Variants in ZMAT4 observed in about 807,000 individuals in gnomAD.
ZMAT4 encodes zinc finger matrin-type 4, also known as zinc finger matrin-type protein 4.
Under a neutral mutation model 28.7 loss-of-function variants are expected in ZMAT4, and 17 were observed. That is an observed-to-expected ratio of 0.59 (90% CI 0.41 to 0.89). ZMAT4 has a LOEUF of 0.89. Ranked by LOEUF, ZMAT4 falls within the 40% of genes least tolerant of loss-of-function variation. The probability of loss-of-function intolerance (pLI) is 0.00; values close to 1 mark genes in which losing one functional copy is unlikely to be tolerated. For synonymous variants in ZMAT4, 117 were observed against 109.2 expected, an observed-to-expected ratio of 1.07 and a Z score of -0.44; for missense variants, 240 against 283.8, an observed-to-expected ratio of 0.85 and a Z score of 1.11.
intron 3 of ZMAT4, among the ~76,000 whole-genome samples, chr8:40,708,035 A>C (rs1160718952): frequency 6.6e-6 from 1 of 152,210 alleles, no homozygotes; most frequent in Non-Finnish European, 1.5e-5. Flanking sequence ...GCAAATAAAA[A>C]ACTCACAGAT....
At chr8:40,695,607 C>G (rs1809848503) in intron 4 of ZMAT4, among the ~76,000 whole-genome samples, 1 of 152,180 alleles carries the variant, frequency 6.6e-6, no homozygotes, top group Admixed American at 6.5e-5. Context: ...CTGTACTTCG[C>G]TTTTTCCTTT....
In ZMAT4 at chr8:40,531,665, G is replaced by A. The variant is rs1366971905; in HGVS notation, c.*558C>T. The A allele has an allele frequency of 1.3e-5, 2 of 152,592 alleles. No individual in the cohort carries two copies. Among genetic ancestry groups the A allele is most frequent in the Admixed American group, 6.6e-5 (1 of 15,256 alleles). 9.5% of individuals were successfully genotyped at this position (152,592 alleles called of 1,614,324 possible). A position where few individuals can be genotyped will look rare whatever the true frequency, so the allele number is the denominator to read the frequency against. Reference sequence around the variant, plus strand: ...TTACTCCCTTCGTCTTCATTGTTCAGATGGTAAACCTGGCTCCTGTGCTTG... The same window carrying A: ...TTACTCCCTTCGTCTTCATTGTTCAAATGGTAAACCTGGCTCCTGTGCTTG... On this transcript the variant is annotated 3_prime_UTR_variant, in exon 7 of 7. Coordinates refer to ENST00000297737, the MANE Select transcript of ZMAT4 (RefSeq NM_024645.3).
rs765713771 is a variant in ZMAT4 at position 40,581,114 on chromosome 8, A to G, written c.674+51T>C. The G allele has an allele frequency of 8.2e-6, 12 of 1,459,872 alleles. No homozygotes were observed. In the South Asian group the frequency reaches 1.2e-4, roughly 14 times the overall value. 90.4% of individuals were successfully genotyped at this position (1,459,872 alleles called of 1,614,324 possible). On this transcript the variant is annotated intron_variant, in intron 6 of 6. Transcript: ENST00000297737. Reference sequence around the variant, plus strand: ...GAAATGTTGAGCCTTTAGTCATCTTACTAAAAATTACATCGAAGAAACTGA... The same window carrying G: ...GAAATGTTGAGCCTTTAGTCATCTTGCTAAAAATTACATCGAAGAAACTGA...
At chr8:40,705,864 A>C (rs1452009354) in intron 3 of ZMAT4, among the ~76,000 whole-genome samples, 2 of 152,164 alleles carry the variant, frequency 1.3e-5, no homozygotes, top group Non-Finnish European at 2.9e-5. Flanking sequence ...CATAAAAATT[A>C]TTAATGAGGT....
intron 5 of ZMAT4, among the ~76,000 whole-genome samples, chr8:40,623,770 C>A (rs1255174741): frequency 6.6e-6 from 1 of 152,120 alleles, no homozygotes; most frequent in East Asian, 1.9e-4. Flanking sequence ...CTACATAAGC[C>A]TAAGATGAAA....
intron 6 of ZMAT4, among the ~76,000 whole-genome samples, chr8:40,544,411 A>T (rs1332471122): frequency 6.6e-6 from 1 of 152,198 alleles, no homozygotes; most frequent in Non-Finnish European, 1.5e-5. Flanking sequence ...CTTCAAAAAG[A>T]TCAAAGGATC....
intron 5 of ZMAT4, among the ~76,000 whole-genome samples, chr8:40,624,223 G>C (rs183878481): frequency 6.6e-6 from 1 of 152,182 alleles, no homozygotes; most frequent in South Asian, 2.1e-4. Flanking sequence ...AGCTTCAATC[G>C]GATAGAAATG....
intron 6 of ZMAT4, 76 bp from the exon 7 acceptor site, chr8:40,532,314 C>T: frequency 2.3e-6 from 3 of 1,327,372 alleles, no homozygotes; most frequent in Non-Finnish European, 1.0e-6. Context: ...CCCCCCCACC[C>T]CCTGTCTCTC....
chr8:40,874,167 C>T (rs1299226768), intron 1 of ZMAT4, among the ~76,000 whole-genome samples: 4 of 152,220 alleles, frequency 2.6e-5, no homozygotes, highest in African/African-American at 9.6e-5. Flanking sequence ...TCTTTCATGG[C>T]TTAAGTTCTG....
intron 5 of ZMAT4, among the ~76,000 whole-genome samples, chr8:40,601,488 AGAAAGAGAGAAAG>A (rs1563360101): frequency 8.5e-6 from 1 of 117,908 alleles, no homozygotes; most frequent in African/African-American, 3.5e-5. Context: ...AAAGAAAGAA[AGAAAGAGAGAAAG>A]AAAGAAAGAG....
intron 6 of ZMAT4, among the ~76,000 whole-genome samples, chr8:40,562,773 A>G (rs544525459): frequency 4.6e-5 from 7 of 152,158 alleles, no homozygotes; most frequent in Non-Finnish European, 8.8e-5. Flanking sequence ...GCATTTAATC[A>G]GTTTGTTCTA....
At chr8:40,813,473 C>G (rs1177928419) in intron 2 of ZMAT4, among the ~76,000 whole-genome samples, 1 of 152,206 alleles carries the variant, frequency 6.6e-6, no homozygotes, top group African/African-American at 2.4e-5. Context: ...TGAGGATAAA[C>G]TAAGAGTGAA....
At chr8:40,563,120 A>G (rs1350440387) in intron 6 of ZMAT4, among the ~76,000 whole-genome samples, 2 of 152,132 alleles carry the variant, frequency 1.3e-5, no homozygotes, top group African/African-American at 2.4e-5. Context: ...CTCAATGCCC[A>G]CCGGCATCTT....
intron 6 of ZMAT4, among the ~76,000 whole-genome samples, chr8:40,571,961 A>G (rs1414621394): frequency 1.3e-5 from 2 of 152,156 alleles, no homozygotes; most frequent in Non-Finnish European, 2.9e-5. Flanking sequence ...AATATCAGTA[A>G]ACTACATTGA....
intron 1 of ZMAT4, among the ~76,000 whole-genome samples, chr8:40,886,132 T>G (rs566224513): frequency 2.6e-4 from 39 of 152,332 alleles, no homozygotes; most frequent in Non-Finnish European, 4.6e-4. Flanking sequence ...AGAAGCACAT[T>G]GTTTGCCTCA....
At chr8:40,719,955 A>G (rs1294913700) in intron 3 of ZMAT4, among the ~76,000 whole-genome samples, 5 of 152,188 alleles carry the variant, frequency 3.3e-5, no homozygotes, top group Non-Finnish European at 7.3e-5. Flanking sequence ...TGCTTCTCCA[A>G]GGTGAGTCCT....
At chr8:40,543,620 G>A (rs750160108) in intron 6 of ZMAT4, among the ~76,000 whole-genome samples, 6 of 152,170 alleles carry the variant, frequency 3.9e-5, no homozygotes, top group African/African-American at 1.2e-4. Context: ...TCACCTCTAT[G>A]AGCCTCAGTT....
At chr8:40,775,166 G>A (rs1248903559) in intron 2 of ZMAT4, among the ~76,000 whole-genome samples, 1 of 152,184 alleles carries the variant, frequency 6.6e-6, no homozygotes, top group African/African-American at 2.4e-5. Context: ...GTGAAGGAAA[G>A]AATAAGTTAA....
At chr8:40,622,298 G>C (rs1806229497) in intron 5 of ZMAT4, among the ~76,000 whole-genome samples, 1 of 152,166 alleles carries the variant, frequency 6.6e-6, no homozygotes, top group South Asian at 2.1e-4. Flanking sequence ...AATATGTGTG[G>C]GTGGCTTGTG....
Sources: allele counts gnomAD v4.1 joint callset (sites outside exome capture counted in the v4.1 genomes callset), GRCh38; gene constraint gnomAD v4.1.1; transcripts MANE v1.5; gene names NCBI Gene and HGNC (gene_info 2026-07-23, HGNC 2026-07-21).